MRPS6: variants seen among roughly 807,000 people sequenced by gnomAD.
The protein encoded by MRPS6 is small ribosomal subunit protein bS6m.
MRPS6 carries 6 observed loss-of-function variants against 13.1 expected under a neutral mutation model. That is an observed-to-expected ratio of 0.46 (90% confidence interval 0.25 to 0.91). The LOEUF is 0.91. MRPS6 is among the 40% of genes least tolerant of loss of function. The probability of loss-of-function intolerance (pLI) is 0.18; values close to 1 mark genes in which losing one functional copy is unlikely to be tolerated. For missense variants in MRPS6, 164 were observed against 155.6 expected (o/e 1.05, Z -0.29); for synonymous variants, 61 against 56.5 (o/e 1.08, Z -0.36).
At chr21:34,086,517 T>TTGTG (rs34988334) in intron 1 of MRPS6, among the ~76,000 whole-genome samples, 2,057 of 148,370 alleles carry the variant, frequency 0.014, 40 homozygotes, top group South Asian at 0.084. Flanking sequence ...TAGTTTGTGT[T>TTGTG]TGTGTGTGTG....
At chr21:34,123,987 C>T (rs1341806141) in intron 1 of MRPS6, 1 of 152,162 alleles carries the variant, frequency 6.6e-6, no homozygotes, top group African/African-American at 2.4e-5. Flanking sequence ...CTTGTTAGCC[C>T]CTAAATGTTT....
chr21:34,082,517 C>T (rs1989482133), intron 1 of MRPS6, among the ~76,000 whole-genome samples: 1 of 151,878 alleles, frequency 6.6e-6, no homozygotes, highest in Admixed American at 6.6e-5. Flanking sequence ...GCAAAGATTG[C>T]TTTGCCTAGA....
intron 1 of MRPS6, chr21:34,102,313 G>A: frequency 2.0e-6 from 2 of 998,954 alleles, no homozygotes; most frequent in African/African-American, 3.5e-5. Context: ...CTTCAATGCT[G>A]AGAATAAGGC....
At chr21:34,126,905 G>A (rs1460902060) in intron 2 of MRPS6, among the ~76,000 whole-genome samples, 1 of 152,096 alleles carries the variant, frequency 6.6e-6, no homozygotes, top group Non-Finnish European at 1.5e-5. Flanking sequence ...CCAGGCTCAA[G>A]AACTGCTGTG....
intron 1 of MRPS6, 94 bp from the exon 2 acceptor site, chr21:34,125,247 G>T (rs944694904): frequency 6.6e-7 from 1 of 1,510,378 alleles, no homozygotes; most frequent in African/African-American, 1.4e-5. Flanking sequence ...CAGTAGAGCT[G>T]TTATGATTGG....
chr21:34,130,004 G>T lies in MRPS6; in HGVS notation c.185+4524G>T, dbSNP rs80155783. Among the ~76,000 whole-genome samples, 1,025 of 152,304 alleles carry T rather than the reference G, an allele frequency of 6.7e-3. 14 individuals carry two copies. The highest frequency in any genetic ancestry group is 0.024 in the African/African-American group (984 of 41,558). Reference sequence around the variant, plus strand: ...TTCACTGCCTCGGTGAAGCCTGAATGCAACAAGGTTTAACTGAGACGGTCT... The same window carrying T: ...TTCACTGCCTCGGTGAAGCCTGAATTCAACAAGGTTTAACTGAGACGGTCT... On this transcript the variant is annotated intron_variant, in intron 2 of 2. Coordinates refer to ENST00000399312, the MANE Select transcript of MRPS6 (RefSeq NM_032476.4).
At chr21:34,100,863 CG>C in intron 1 of MRPS6, 1 of 1,000,048 alleles carries the variant, frequency 1.0e-6, no homozygotes, top group Middle Eastern at 5.2e-4. Flanking sequence ...CCAAATAAAG[CG>C]GCTTATTAGC....
At chr21:34,095,889 T>A (rs747552395) in intron 1 of MRPS6, 3 of 1,614,114 alleles carry the variant, frequency 1.9e-6, no homozygotes. Context: ...CTTATTGACA[T>A]ACAACCTTTC....
chr21:34,102,726 G>C (rs1979303199), intron 1 of MRPS6: 1 of 999,922 alleles, frequency 1.0e-6, no homozygotes, highest in South Asian at 4.7e-5. Flanking sequence ...AAAACACAGT[G>C]GTCTCAGATT....
At chr21:34,116,605 G>C (rs1189301052) in intron 1 of MRPS6, among the ~76,000 whole-genome samples, 1 of 70 alleles carries the variant, frequency 0.014, no homozygotes, top group Non-Finnish European at 0.028. Context: ...GGTGTGTCCT[G>C]CAGACCCTGG....
chr21:34,141,721 T>C (rs1487738661), intron 2 of MRPS6, among the ~76,000 whole-genome samples: 1 of 152,168 alleles, frequency 6.6e-6, no homozygotes, highest in African/African-American at 2.4e-5. Context: ...TGGGTAGGGA[T>C]GGGCTCTTTC....
At chr21:34,086,721 CAT>C (rs1321075816) in intron 1 of MRPS6, among the ~76,000 whole-genome samples, 1 of 152,136 alleles carries the variant, frequency 6.6e-6, no homozygotes, top group Admixed American at 6.5e-5. Context: ...TGAGCTCAAA[CAT>C]GTAGTGTAAA....
intron 1 of MRPS6, chr21:34,097,745 T>A (rs1569417421): frequency 6.0e-6 from 6 of 1,005,492 alleles, no homozygotes; most frequent in Non-Finnish European, 6.0e-6. Context: ...TTTCTAAATT[T>A]TTTTTTCTGT....
chr21:34,103,853 A>G, intron 1 of MRPS6: 1 of 1,000,192 alleles, frequency 1.0e-6, no homozygotes. Flanking sequence ...GTTACTAGCT[A>G]AAATGGGGTT....
At chr21:34,131,668 C>T (rs547636701) in intron 2 of MRPS6, among the ~76,000 whole-genome samples, 1 of 152,300 alleles carries the variant, frequency 6.6e-6, no homozygotes, top group South Asian at 2.1e-4. Flanking sequence ...GTTTCTAGGC[C>T]TGACTTTCTT....
At chr21:34,125,250 A>G (rs1358433240) in intron 1 of MRPS6, 91 bp from the exon 2 acceptor site, 1 of 1,513,502 alleles carries the variant, frequency 6.6e-7, no homozygotes, top group East Asian at 2.3e-5. Flanking sequence ...TAGAGCTGTT[A>G]TGATTGGAAC....
At chr21:34,090,388 A>G (rs1978623937) in intron 1 of MRPS6, among the ~76,000 whole-genome samples, 1 of 152,244 alleles carries the variant, frequency 6.6e-6, no homozygotes, top group African/African-American at 2.4e-5. Flanking sequence ...GACAAAAGTG[A>G]AAGCATGTAT....
rs1036335647 is a variant in MRPS6 at position 34,106,905 on chromosome 21, A to AT, written c.46-18432dup. Among the ~76,000 whole-genome samples the AT allele has an allele frequency of 8.0e-5, 12 of 150,074 alleles. No individual in the cohort carries two copies. The East Asian group carries it at 2.3e-3, about 29-fold the overall frequency. On this transcript the variant is annotated intron_variant, in intron 1 of 2. Transcript: ENST00000399312. ...CCCTTTAATCTGGACTACTTCTTGGATTTTGTCTTTCACGGTATTGACTTT... is the reference window on the plus strand; with the variant it reads ...CCCTTTAATCTGGACTACTTCTTGGATTTTTGTCTTTCACGGTATTGACTTT...
intron 1 of MRPS6, chr21:34,095,690 G>C: frequency 6.2e-7 from 1 of 1,613,648 alleles, no homozygotes; most frequent in African/African-American, 1.3e-5. Flanking sequence ...CTGTCATCCT[G>C]CTCATTGGCA....
Sources: gnomAD v4.1 joint callset for allele counts (sites outside exome capture counted in the v4.1 genomes callset) on GRCh38, gnomAD v4.1.1 for gene constraint, MANE v1.5 for transcripts, NCBI Gene and HGNC (gene_info 2026-07-23, HGNC 2026-07-21) for gene names.